The following KLHL5 variants were observed in gnomAD, a reference collection of about 807,000 sequenced individuals.
The protein encoded by KLHL5 is kelch-like protein 5.
A neutral mutation model predicts 77.7 loss-of-function variants in KLHL5; 48 were observed. That is an observed-to-expected ratio of 0.62 (90% confidence interval 0.49 to 0.79). The LOEUF (loss-of-function observed/expected upper bound fraction) is 0.79. Ranked by LOEUF, KLHL5 falls within the 30% of genes least tolerant of loss-of-function variation. KLHL5 has a pLI of 0.00. For synonymous variants in KLHL5, 260 were observed against 297.0 expected, an observed-to-expected ratio of 0.88 and a Z score of 1.28; for missense variants, 723 against 859.7, an observed-to-expected ratio of 0.84 and a Z score of 1.99.
At chr4:39,058,542 G>A (rs1040484219), upstream of KLHL5, among the ~76,000 whole-genome samples, 3 of 152,008 alleles carry the variant, frequency 2.0e-5, no homozygotes, top group African/African-American at 4.8e-5. Flanking sequence ...CCCTGAGCTC[G>A]GGAGGTTGTG....
chr4:39,069,463 TATATATATATACACACACACACACAC>T, intron 1 of KLHL5, among the ~76,000 whole-genome samples: 1 of 56,386 alleles, frequency 1.8e-5, no homozygotes, highest in East Asian at 9.1e-4. Context: ...TATATATATA[TATATATATATACACACACACACACAC>T]ACACACACAC....
chr4:39,056,132 G>A (rs527237861), intron 1 of KLHL5, among the ~76,000 whole-genome samples: 4 of 152,206 alleles, frequency 2.6e-5, no homozygotes, highest in African/African-American at 9.7e-5. Context: ...TTGTGTGTGT[G>A]TATGTGTATT....
chr4:39,061,318 C>G (rs1223352894), upstream of KLHL5, among the ~76,000 whole-genome samples: 2 of 152,122 alleles, frequency 1.3e-5, no homozygotes, highest in Non-Finnish European at 2.9e-5. Flanking sequence ...TAGGCATTGC[C>G]TTTTGTATGG....
chr4:39,054,413 C>T (rs772653404), intron 1 of KLHL5, among the ~76,000 whole-genome samples: 4 of 152,060 alleles, frequency 2.6e-5, no homozygotes, highest in Non-Finnish European at 5.9e-5. Flanking sequence ...CAGGAATGAC[C>T]CCTGTTGGAC....
At chr4:39,086,492 T>A in intron 4 of KLHL5, 23 bp from the exon 5 acceptor site, 4 of 1,570,648 alleles carry the variant, frequency 2.5e-6, no homozygotes, top group Non-Finnish European at 3.5e-6. Flanking sequence ...CAATATTGTT[T>A]ATCTGCTATT....
At chr4:39,120,892 G>A (rs1053017420) in intron 10 of KLHL5, 118 bp from the exon 11 acceptor site, 7 of 763,478 alleles carry the variant, frequency 9.2e-6, no homozygotes, top group African/African-American at 8.6e-5. Flanking sequence ...ATACAGCAGG[G>A]GCCAGGGCAA....
the KLHL5 span, among the ~76,000 whole-genome samples, chr4:39,134,579 C>A: frequency 6.6e-6 from 1 of 152,170 alleles, no homozygotes; most frequent in African/African-American, 2.4e-5. Flanking sequence ...TACTTGATGC[C>A]AAGATACATC....
upstream of KLHL5, among the ~76,000 whole-genome samples, chr4:39,060,735 A>G (rs1415344310): frequency 2.0e-5 from 3 of 152,202 alleles, no homozygotes; most frequent in Non-Finnish European, 4.4e-5. Flanking sequence ...AGTTAGAAGG[A>G]TGTTGATCAG....
Position 39,113,182 on chromosome 4 carries a change from C to A in KLHL5, c.1851C>A (p.His617Gln). 1 of 1,613,942 alleles carries A rather than the reference C, an allele frequency of 6.2e-7. No individual in the cohort carries two copies. Among genetic ancestry groups the A allele is most frequent in the South Asian group, 1.1e-5 (1 of 91,068 alleles). ...GACTGCTGTATGCTATAGGGGGGCA[C>A]GATGCTCCCGCATCCAACTTGACTT... is the stretch of plus-strand genomic sequence containing the variant. The part of the protein sequence containing the change: ...WNGLLYAIGG[H>Q]DAPASNLTSR... The change falls in exon 9 of 11, where the codon CAC (histidine) becomes CAA (glutamine). Residue 617 changes from histidine (H) to glutamine (Q), a missense_variant. By Grantham distance (24) the His-to-Gln change is conservative (BLOSUM62 0). Transcript: ENST00000504108.
At position 39,062,757 on chromosome 4, in the gene KLHL5, G is replaced by T; in HGVS notation, c.105G>T (p.Gln35His). Reference protein sequence around the residue: ...ASSPNSTVDSQQGEFWNRGQT... With the variant: ...ASSPNSTVDSHQGEFWNRGQT... ...CTCCTAATTCTACAGTTGACAGCCA[G>T]CAGGGAGAATTTTGGAACCGAGGAC... Residue 35 changes from glutamine (Q) to histidine (H), a missense_variant, in exon 1 of 11, where the codon CAG becomes CAT. Coordinates refer to ENST00000504108, the MANE Select transcript of KLHL5 (RefSeq NM_015990.5). The T allele has an allele frequency of 6.2e-7, 1 of 1,614,192 alleles. No homozygotes were observed.
intron 1 of KLHL5, among the ~76,000 whole-genome samples, chr4:39,064,825 G>A (rs569515399): frequency 2.6e-5 from 4 of 151,726 alleles, no homozygotes; most frequent in Admixed American, 6.6e-5. Context: ...TTAAATTGAC[G>A]TTTTTCATTT....
chr4:39,061,735 T>TG (rs1431042428), upstream of KLHL5, among the ~76,000 whole-genome samples: 3 of 152,228 alleles, frequency 2.0e-5, no homozygotes, highest in South Asian at 4.1e-4. Flanking sequence ...TCCTAAGTAA[T>TG]GTCATAGAAA....
At chr4:39,118,264 CTG>C (rs1310436557) in intron 10 of KLHL5, among the ~76,000 whole-genome samples, 1 of 151,926 alleles carries the variant, frequency 6.6e-6, no homozygotes, top group Non-Finnish European at 1.5e-5. Context: ...GATGAGGAAT[CTG>C]ACACAGAAGT....
At chr4:39,091,842 GTTTTTTTTTTT>G (rs372831946) in intron 5 of KLHL5, among the ~76,000 whole-genome samples, 2 of 52,444 alleles carry the variant, frequency 3.8e-5, no homozygotes, top group Admixed American at 2.6e-4. Flanking sequence ...CATCTGACTA[GTTTTTTTTTTT>G]TTTTTTTTTT....
the KLHL5 span, among the ~76,000 whole-genome samples, chr4:39,136,985 G>A: frequency 6.6e-6 from 1 of 152,166 alleles, no homozygotes; most frequent in African/African-American, 2.4e-5. Context: ...TGTTTCCATA[G>A]AAGATTGATC....
At chr4:39,096,552 C>T (rs1721083468) in intron 5 of KLHL5, 140 bp from the exon 6 acceptor site, 3 of 589,136 alleles carry the variant, frequency 5.1e-6, no homozygotes, top group Admixed American at 3.2e-5. Context: ...GTAAATGTTG[C>T]ATATTTTAGT....
At chr4:39,101,915 T>C (rs1721597897) in intron 6 of KLHL5, among the ~76,000 whole-genome samples, 2 of 142,322 alleles carry the variant, frequency 1.4e-5, no homozygotes, top group South Asian at 4.4e-4. Context: ...CACACACATA[T>C]ATATATACAT....
At chr4:39,142,786 GAAA>G in the KLHL5 span, among the ~76,000 whole-genome samples, 3 of 120,540 alleles carry the variant, frequency 2.5e-5, no homozygotes, top group Admixed American at 8.7e-5. Context: ...TATGCTGAGT[GAAA>G]AAAAAAAAAA....
At position 39,048,638 on chromosome 4, in the gene KLHL5, C is replaced by CTTTTTTTTTTTTTTTT. The variant is rs34713116; in HGVS notation, c.-95+3548_-95+3563dup. ...AAAGGATGTGGTGATTTTACATTGG[C>CTTTTTTTTTTTTTTTT]TTTTTTTTTTTTTTTTTTTTTGGAG... On this transcript the variant is annotated intron_variant, in intron 1 of 11. Transcript: ENST00000261425. 6.3e-4 allele frequency among the ~76,000 whole-genome samples: 50 copies of CTTTTTTTTTTTTTTTT among 79,142 alleles called. 3 individuals carry two copies. The highest frequency in any genetic ancestry group is 2.7e-3 in the African/African-American group (50 of 18,592). 51.9% of individuals were successfully genotyped at this position (79,142 alleles called of 152,430 possible).
Sources: allele counts gnomAD v4.1 joint callset (sites outside exome capture counted in the v4.1 genomes callset), GRCh38; gene constraint gnomAD v4.1.1; transcripts MANE v1.5; gene names NCBI Gene and HGNC (gene_info 2026-07-23, HGNC 2026-07-21).